NAV2: variants seen among roughly 807,000 people sequenced by gnomAD.
NAV2 encodes helicase, APC down-regulated 1.
In NAV2, 54 loss-of-function variants were observed where a neutral mutation model predicts 223.2. The observed-to-expected ratio is 0.24, with a 90% CI of 0.19 to 0.30. The LOEUF is 0.30. Ranked by LOEUF, NAV2 falls within the 10% of genes least tolerant of loss-of-function variation. The pLI, the probability that NAV2 is intolerant of heterozygous loss-of-function variation, is 1.00. For missense variants in NAV2, 2,806 were observed against 3,147.5 expected (o/e 0.89, Z 2.60); for synonymous variants, 1,279 against 1,239.3 (o/e 1.03, Z -0.67).
chr11:19,675,159 A>G (rs1657124663), intron 1 of NAV2, among the ~76,000 whole-genome samples: 1 of 152,124 alleles, frequency 6.6e-6, no homozygotes, highest in South Asian at 2.1e-4. Flanking sequence ...CTTGGTCCCA[A>G]CCTTTATTTC....
chr11:19,518,838 G>A (rs2043548901), intron 1 of NAV2, among the ~76,000 whole-genome samples: 1 of 152,152 alleles, frequency 6.6e-6, no homozygotes, highest in Non-Finnish European at 1.5e-5. Context: ...CAGTGTGATG[G>A]GATTAGGAGG....
chr11:19,971,680 C>G (rs2049260828), intron 10 of NAV2, among the ~76,000 whole-genome samples: 1 of 152,166 alleles, frequency 6.6e-6, no homozygotes, highest in Non-Finnish European at 1.5e-5. Flanking sequence ...GATTTCCATC[C>G]TCACATATTT....
chr11:20,020,070 AAG>A (rs2054368208), intron 11 of NAV2, among the ~76,000 whole-genome samples: 1 of 152,216 alleles, frequency 6.6e-6, no homozygotes, highest in Non-Finnish European at 1.5e-5. Context: ...AAAGCCAGGA[AAG>A]AGGGTTGAAT....
rs140016977 is a variant in NAV2 at position 19,985,218 on chromosome 11, T to A, written c.2768+971T>A. ...TAAGTGACTTCTGTAATTGTGTGGC[T>A]TTAGAGAAATAGGACAGCACACCAA... On this transcript the variant is annotated intron_variant, in intron 11 of 37. Transcript: ENST00000349880. Among the ~76,000 whole-genome samples the A allele has an allele frequency of 2.6e-5, 4 of 152,336 alleles. No individual in the cohort carries two copies. The East Asian group carries it at 7.7e-4, about 29-fold the overall frequency.
At chr11:19,830,356 A>G (rs1420012342) in intron 1 of NAV2, among the ~76,000 whole-genome samples, 1 of 152,240 alleles carries the variant, frequency 6.6e-6, no homozygotes, top group Non-Finnish European at 1.5e-5. Flanking sequence ...ATTTGTATTC[A>G]GAGAGGCATT....
chr11:19,663,950 C>T (rs558713733), intron 1 of NAV2, among the ~76,000 whole-genome samples: 3 of 152,284 alleles, frequency 2.0e-5, no homozygotes, highest in Non-Finnish European at 2.9e-5. Context: ...TGGCAGGCAC[C>T]GCTAAGTACT....
chr11:19,411,449 T>C (rs985874205), intron 1 of NAV2, among the ~76,000 whole-genome samples: 5 of 152,216 alleles, frequency 3.3e-5, no homozygotes, highest in African/African-American at 7.2e-5. Context: ...CCTGGAGTCA[T>C]TTATTTATTG....
chr11:20,101,770 G>A lies in NAV2; in HGVS notation c.6417+598G>A, dbSNP rs77457869. On this transcript the variant is annotated intron_variant, in intron 32 of 37. Transcript: ENST00000349880. ...GCAAATAGATTGGCTCCTGCTTCAC[G>A]GTGAGCAACGGAAACCTGTTTGAAT... is the stretch of plus-strand genomic sequence containing the variant. Among the ~76,000 whole-genome samples, 1,121 of 152,292 alleles carry A rather than the reference G, an allele frequency of 7.4e-3. 17 individuals are homozygous for A. Among genetic ancestry groups the A allele is most frequent in the African/African-American group, 0.025 (1,048 of 41,562 alleles).
chr11:19,965,064 C>T (rs1432995626), intron 10 of NAV2, among the ~76,000 whole-genome samples: 1 of 152,040 alleles, frequency 6.6e-6, no homozygotes, highest in Non-Finnish European at 1.5e-5. Context: ...GGTGATCCAC[C>T]CCACTCAGCC....
intron 1 of NAV2, among the ~76,000 whole-genome samples, chr11:19,467,902 A>G (rs939308164): frequency 6.6e-6 from 1 of 152,220 alleles, no homozygotes; most frequent in Non-Finnish European, 1.5e-5. Context: ...GGCATGAAGA[A>G]ATGTGCTTCA....
chr11:19,445,922 C>T (rs115667624), intron 1 of NAV2, among the ~76,000 whole-genome samples: 3,112 of 152,176 alleles, frequency 0.02, 95 homozygotes, highest in African/African-American at 0.071. Context: ...AATACTGAGG[C>T]AGAAAGCGAG....
rs546716426 is a variant in NAV2 at position 19,378,648 on chromosome 11, A to T, written c.75+27621A>T. On this transcript the variant is annotated intron_variant, in intron 1 of 37. Transcript: ENST00000360655. Reference sequence around the variant, plus strand: ...GGGTAGGGAGTCGCTCACGGAGGAGATGCTCCCTGTCATGAAACTGACTTC... The same window carrying T: ...GGGTAGGGAGTCGCTCACGGAGGAGTTGCTCCCTGTCATGAAACTGACTTC... Among the ~76,000 whole-genome samples, 2 of 149,668 alleles carry T rather than the reference A, an allele frequency of 1.3e-5. 1 individual carries two copies. The highest frequency in any genetic ancestry group is 1.3e-4 in the Admixed American group (2 of 15,046).
intron 1 of NAV2, among the ~76,000 whole-genome samples, chr11:19,637,913 A>G (rs1044546061): frequency 2.6e-5 from 4 of 152,196 alleles, no homozygotes; most frequent in Non-Finnish European, 4.4e-5. Flanking sequence ...ATTTCCAGGT[A>G]TCTTCTTAGG....
At chr11:19,545,563 G>A (rs936918625) in intron 1 of NAV2, among the ~76,000 whole-genome samples, 1 of 152,170 alleles carries the variant, frequency 6.6e-6, no homozygotes, top group African/African-American at 2.4e-5. Flanking sequence ...ATGTAGCTTG[G>A]AGTGAGTAGA....
chr11:20,043,948 G>A, intron 12 of NAV2, 33 bp from the exon 13 acceptor site: 1 of 1,596,004 alleles, frequency 6.3e-7, no homozygotes, highest in Non-Finnish European at 8.6e-7. Flanking sequence ...CTGGGACTGG[G>A]GAAGGACTAA....
At chr11:20,004,258 A>AGTTAG (rs1359608228) in intron 11 of NAV2, among the ~76,000 whole-genome samples, 1 of 152,234 alleles carries the variant, frequency 6.6e-6, no homozygotes, top group Non-Finnish European at 1.5e-5. Flanking sequence ...TTGTGATGCC[A>AGTTAG]AAAGGTGGTA....
chr11:19,639,977 A>T (rs192674288), intron 1 of NAV2, among the ~76,000 whole-genome samples: 1 of 152,346 alleles, frequency 6.6e-6, no homozygotes, highest in African/African-American at 2.4e-5. Flanking sequence ...GAAGGAGACT[A>T]ACCCGGCTTC....
intron 8 of NAV2, among the ~76,000 whole-genome samples, chr11:19,940,143 T>C (rs2046290070): frequency 6.6e-6 from 1 of 152,178 alleles, no homozygotes; most frequent in Non-Finnish European, 1.5e-5. Flanking sequence ...GATTTAGAAT[T>C]CTAAAATAGT....
rs2061788679 is a variant in NAV2 at position 20,103,487 on chromosome 11, C to T, written c.6572+78C>T. On this transcript the variant is annotated intron_variant, in intron 33 of 37. Transcript: ENST00000349880. ...GATGGGGCACTGTGCACACAGGTGG[C>T]CCGGGGCCGTTGTGGGAGTGAAGCT... The T allele has an allele frequency of 1.9e-6, 3 of 1,553,504 alleles. No homozygotes were observed. The South Asian group carries it at 3.6e-5, about 19-fold the overall frequency.
Sources: allele counts gnomAD v4.1 joint callset (sites outside exome capture counted in the v4.1 genomes callset), GRCh38; gene constraint gnomAD v4.1.1; transcripts MANE v1.5; gene names NCBI Gene and HGNC (gene_info 2026-07-23, HGNC 2026-07-21).